Variants in RMND1 observed in about 807,000 individuals in gnomAD.
RMND1 encodes the protein required for meiotic nuclear division 1 homolog.
A neutral mutation model predicts 54.0 loss-of-function variants in RMND1; 41 were observed. The observed-to-expected ratio is 0.76, with a 90% CI of 0.59 to 0.98. The LOEUF (loss-of-function observed/expected upper bound fraction) is 0.98, where lower values mean the gene tolerates loss of function less well. RMND1 is among the 50% of genes least tolerant of loss of function. The probability of loss-of-function intolerance (pLI) is 0.00; values close to 1 mark genes in which losing one functional copy is unlikely to be tolerated. For synonymous variants in RMND1, 183 were observed against 181.7 expected (o/e 1.01, Z -0.06); for missense variants, 457 against 532.0 (o/e 0.86, Z 1.39).
At chr6:151,406,580 G>C (rs1779629430) in intron 10 of RMND1, among the ~76,000 whole-genome samples, 1 of 152,088 alleles carries the variant, frequency 6.6e-6, no homozygotes, top group Non-Finnish European at 1.5e-5. Flanking sequence ...TCGATCTCCT[G>C]ACCTTGTGAT....
At chr6:151,428,423 C>T (rs570133841) in intron 5 of RMND1, among the ~76,000 whole-genome samples, 48 of 152,308 alleles carry the variant, frequency 3.2e-4, no homozygotes, top group Non-Finnish European at 5.7e-4. Flanking sequence ...GGAATTTTTT[C>T]TACTCTCCAT....
chr6:151,424,278 G>A (rs1312242350), intron 6 of RMND1, among the ~76,000 whole-genome samples: 1 of 151,916 alleles, frequency 6.6e-6, no homozygotes, highest in Non-Finnish European at 1.5e-5. Flanking sequence ...GGCTAACATG[G>A]TGAAACCCCG....
chr6:151,423,192 A>T (rs957414954), intron 7 of RMND1, among the ~76,000 whole-genome samples: 2 of 152,202 alleles, frequency 1.3e-5, no homozygotes, highest in Admixed American at 1.3e-4. Context: ...GTGCCCAGTC[A>T]CACAAGGCTG....
intron 6 of RMND1, among the ~76,000 whole-genome samples, chr6:151,426,222 C>T (rs1437205440): frequency 6.6e-6 from 1 of 152,174 alleles, no homozygotes; most frequent in Non-Finnish European, 1.5e-5. Flanking sequence ...GCTGAGATTA[C>T]AGGTGTGAGC....
intron 10 of RMND1, among the ~76,000 whole-genome samples, chr6:151,409,938 G>A (rs1779755933): frequency 6.6e-6 from 1 of 152,116 alleles, no homozygotes; most frequent in African/African-American, 2.4e-5. Context: ...ACTGCTCTCT[G>A]CATCTGGACC....
intron 5 of RMND1, 33 bp from the exon 6 acceptor site, chr6:151,427,615 AACTG>A (rs1780340866): frequency 7.5e-7 from 1 of 1,336,224 alleles, no homozygotes; most frequent in Non-Finnish European, 1.1e-6. Flanking sequence ...CTGAAATCAT[AACTG>A]ACTCCCTCAG....
Position 151,422,563 on chromosome 6 carries a change from T to A in RMND1, c.980A>T (p.Glu327Val), listed in dbSNP as rs2114937293. The change falls in exon 8 of 12, where the codon GAA becomes GTA. Residue 327 changes from glutamate to valine, a missense_variant. Transcript: ENST00000444024. Reference sequence around the variant, plus strand: ...TACCTCAGGAATTGACTGAATAGATTCAATAAATTTATCCAGTGATGCTTC... The same window carrying A: ...TACCTCAGGAATTGACTGAATAGATACAATAAATTTATCCAGTGATGCTTC... ...IWEASLDKFIESIQSIPEALK... is the reference protein window; with the variant it reads ...IWEASLDKFIVSIQSIPEALK... 1 of 1,538,214 alleles carries A rather than the reference T, an allele frequency of 6.5e-7. No homozygotes were observed. Among genetic ancestry groups the A allele is most frequent in the Non-Finnish European group, 8.8e-7 (1 of 1,132,222 alleles).
intron 2 of RMND1, among the ~76,000 whole-genome samples, chr6:151,439,682 A>G (rs1780714272): frequency 6.6e-6 from 1 of 152,164 alleles, no homozygotes; most frequent in South Asian, 2.1e-4. Flanking sequence ...TATTTTTGAG[A>G]CAGTTTCACT....
chr6:151,440,527 C>T (rs1327336779), intron 2 of RMND1, among the ~76,000 whole-genome samples: 1 of 152,192 alleles, frequency 6.6e-6, no homozygotes, highest in East Asian at 1.9e-4. Flanking sequence ...TTTCACTTGG[C>T]CATCCTAAGG....
intron 11 of RMND1, 143 bp from the exon 12 acceptor site, chr6:151,405,410 G>T: frequency 1.4e-6 from 1 of 726,892 alleles, no homozygotes. Flanking sequence ...CTATGAATTG[G>T]AGGTACGGGT....
intron 1 of RMND1, among the ~76,000 whole-genome samples, chr6:151,450,434 C>T (rs1781118920): frequency 1.1e-5 from 1 of 91,690 alleles, no homozygotes; most frequent in Admixed American, 1.1e-4. Flanking sequence ...GCCAGCCACC[C>T]CGTCTGGGAG....
intron 6 of RMND1, among the ~76,000 whole-genome samples, chr6:151,425,946 CT>C (rs67910450): frequency 2.9e-3 from 398 of 137,602 alleles, no homozygotes; most frequent in Non-Finnish European, 4.2e-3. Flanking sequence ...GCTTTTAACG[CT>C]TTTTTTTTTT....
intron 2 of RMND1, among the ~76,000 whole-genome samples, chr6:151,444,161 T>C (rs3823311): frequency 0.22 from 33,635 of 152,182 alleles, 4,147 homozygotes; most frequent in African/African-American, 0.34. Context: ...AGAAACCTGA[T>C]GCACTGTGCT....
At chr6:151,437,673 T>C (rs1780651196) in intron 2 of RMND1, among the ~76,000 whole-genome samples, 1 of 152,196 alleles carries the variant, frequency 6.6e-6, no homozygotes, top group Non-Finnish European at 1.5e-5. Flanking sequence ...AGCTCCCCAA[T>C]TCTTTCCCAT....
intron 9 of RMND1, among the ~76,000 whole-genome samples, chr6:151,420,193 G>C (rs1780116900): frequency 6.6e-6 from 1 of 152,098 alleles, no homozygotes; most frequent in African/African-American, 2.4e-5. Flanking sequence ...ATGACCAAGA[G>C]AACAGGAGAG....
intron 4 of RMND1, among the ~76,000 whole-genome samples, chr6:151,432,914 A>T (rs1207687053): frequency 6.6e-6 from 1 of 152,240 alleles, no homozygotes; most frequent in East Asian, 1.9e-4. Context: ...TTACAAAGAA[A>T]GACACCCCGG....
chr6:151,445,632 A>T lies in RMND1; in HGVS notation c.180T>A (p.Ser60Arg), dbSNP rs750916317. ...LDLFLPDKTA[S>R]GLNKSQILEM... Reference sequence around the variant, plus strand: ...CCAGGATCTGAGACTTATTCAAACCACTAGCTGTTTTATCAGGAAGGAACA... The same window carrying T: ...CCAGGATCTGAGACTTATTCAAACCTCTAGCTGTTTTATCAGGAAGGAACA... The change falls in exon 2 of 12, where the codon AGT becomes AGA. Residue 60 changes from serine to arginine, a missense_variant. Ser to Arg is a moderately radical substitution (Grantham distance 110). Transcript: ENST00000444024. 3.7e-5 allele frequency: 60 copies of T among 1,614,060 alleles called. No homozygotes were observed. The highest frequency in any genetic ancestry group is 3.0e-5 in the Non-Finnish European group (35 of 1,180,044).
intron 6 of RMND1, 104 bp downstream of exon 6, chr6:151,427,375 CAAA>C (rs201656504): frequency 8.8e-4 from 422 of 477,264 alleles, no homozygotes; most frequent in Non-Finnish European, 1.0e-3. Context: ...GACTCCGTCT[CAAA>C]AAAAAAAAAA....
At chr6:151,451,827 A>G (rs1288549789) in intron 1 of RMND1, among the ~76,000 whole-genome samples, 189 bp downstream of exon 1, 1 of 152,096 alleles carries the variant, frequency 6.6e-6, no homozygotes, top group South Asian at 2.1e-4. Context: ...GCACTGGCTC[A>G]AAAAAAGGGT....
Sources: gnomAD v4.1 joint callset for allele counts (sites outside exome capture counted in the v4.1 genomes callset) on GRCh38, gnomAD v4.1.1 for gene constraint, MANE v1.5 for transcripts, NCBI Gene and HGNC (gene_info 2026-07-23, HGNC 2026-07-21) for gene names.